The following CDC42BPB variants were observed in gnomAD, a reference collection of about 807,000 sequenced individuals.
CDC42BPB encodes serine/threonine-protein kinase MRCK beta.
A neutral mutation model predicts 214.9 loss-of-function variants in CDC42BPB; 37 were observed. That is an observed-to-expected ratio of 0.17 (90% CI 0.13 to 0.23). The LOEUF is 0.23. Ranked by LOEUF, CDC42BPB falls within the 10% of genes least tolerant of loss-of-function variation. The probability of loss-of-function intolerance (pLI) is 1.00; values close to 1 mark genes in which losing one functional copy is unlikely to be tolerated. For synonymous variants in CDC42BPB, 931 were observed against 884.0 expected, an observed-to-expected ratio of 1.05 and a Z score of -0.94; for missense variants, 1,694 against 2,227.0, an observed-to-expected ratio of 0.76 and a Z score of 4.82.
At chr14:102,958,961 C>T (rs1028868496) in intron 21 of CDC42BPB, among the ~76,000 whole-genome samples, 1 of 147,806 alleles carries the variant, frequency 6.8e-6, no homozygotes, top group Non-Finnish European at 1.5e-5. Flanking sequence ...GCGTGAGCCA[C>T]TGCACCCATC....
chr14:103,007,474 C>T (rs1193979573), intron 3 of CDC42BPB, among the ~76,000 whole-genome samples: 1 of 152,172 alleles, frequency 6.6e-6, no homozygotes, highest in Non-Finnish European at 1.5e-5. Flanking sequence ...AAGAGGAAAG[C>T]GTCACCTCAA....
At chr14:102,995,965 T>TG (rs1486965744) in intron 5 of CDC42BPB, among the ~76,000 whole-genome samples, 1 of 152,178 alleles carries the variant, frequency 6.6e-6, no homozygotes, top group South Asian at 2.1e-4. Context: ...TGAGTTAATT[T>TG]GGGGGGAAAA....
intron 29 of CDC42BPB, 105 bp downstream of exon 29, chr14:102,945,557 T>A (rs1892122649): frequency 3.9e-6 from 4 of 1,030,440 alleles, no homozygotes; most frequent in Non-Finnish European, 5.9e-6. Flanking sequence ...GGCGCCTTCA[T>A]CAAGCGCATT....
intron 23 of CDC42BPB, among the ~76,000 whole-genome samples, chr14:102,953,101 C>T (rs1167958246): frequency 1.3e-5 from 2 of 152,238 alleles, no homozygotes; most frequent in African/African-American, 4.8e-5. Context: ...CATTGTGAAC[C>T]CAGCGGCAAC....
At position 103,008,574 on chromosome 14, in the gene CDC42BPB, T is replaced by C. The variant is rs1243073573; in HGVS notation, c.268-19A>G. The C allele has an allele frequency of 5.0e-6, 8 of 1,597,552 alleles. No individual in the cohort carries two copies. The East Asian group carries it at 1.1e-4, about 22-fold the overall frequency. On this transcript the variant is annotated intron_variant, in intron 2 of 36. Transcript: ENST00000361246. ...CAGCAACCTGCAGTGCAAATGTGAG[T>C]TGAACAAAGATGCGGTTCTTGAACA...
intron 8 of CDC42BPB, among the ~76,000 whole-genome samples, chr14:102,980,533 A>G (rs1055690912): frequency 1.3e-5 from 2 of 152,158 alleles, no homozygotes; most frequent in African/African-American, 4.8e-5. Context: ...AAGCAAAAGT[A>G]TTTCTGTTGA....
intron 6 of CDC42BPB, 135 bp downstream of exon 6, chr14:102,986,344 GAAAATTTC>G: frequency 1.7e-6 from 1 of 580,848 alleles, no homozygotes; most frequent in South Asian, 2.3e-5. Flanking sequence ...TCCCCAAACA[GAAAATTTC>G]AACTATCTCC....
chr14:103,048,282 T>C (rs1384264100), intron 1 of CDC42BPB, among the ~76,000 whole-genome samples: 1 of 151,778 alleles, frequency 6.6e-6, no homozygotes, highest in Admixed American at 6.6e-5. Context: ...GGTGGCTCAC[T>C]CCTGTAATCC....
intron 8 of CDC42BPB, among the ~76,000 whole-genome samples, chr14:102,980,277 G>A (rs34565181): frequency 0.028 from 4,327 of 152,320 alleles, 190 homozygotes; most frequent in African/African-American, 0.098. Context: ...GGCGGATCAT[G>A]TGGTCAGGAG....
chr14:102,947,729 T>C lies in CDC42BPB; in HGVS notation c.3523A>G (p.Ile1175Val). 1.2e-6 allele frequency: 2 copies of C among 1,610,784 alleles called. No homozygotes were observed. The highest frequency in any genetic ancestry group is 1.7e-6 in the Non-Finnish European group (2 of 1,178,194). The change falls in exon 27 of 37, where the codon ATA becomes GTA. Residue 1175 changes from isoleucine to valine, a missense_variant. Physicochemically the swap from Ile to Val is conservative, Grantham distance 29. Around this residue, in one of 7 missense-constraint regions of CDC42BPB, gnomAD observed 567 missense variants for 790.3 expected, o/e 0.72. Coordinates refer to ENST00000361246, the MANE Select transcript of CDC42BPB (RefSeq NM_006035.4). ...TAATGAAAAATTCATACCCTGAATA[T>C]ACATGGAATATCTCGGCGTGTAGCA... ...IHATRRDIPC[I>V]FRVTASLLGA... is the part of the protein sequence containing the mutation.
At position 103,057,353 on chromosome 14, in the gene CDC42BPB, C is replaced by T. The variant is rs1889046045; in HGVS notation, c.-180G>A. ...GACATCTTGGGCTCCGTCCCGACGG[C>T]GCAGAGTCTGGGGCGCCGGGCCCCG... On this transcript the variant is annotated 5_prime_UTR_variant, in exon 1 of 37. Coordinates refer to ENST00000361246, the MANE Select transcript of CDC42BPB (RefSeq NM_006035.4). The T allele has an allele frequency of 9.8e-7, 1 of 1,016,842 alleles. No individual in the cohort carries two copies. Among genetic ancestry groups the T allele is most frequent in the South Asian group, 4.5e-5 (1 of 22,148 alleles). 63.0% of individuals were successfully genotyped at this position (1,016,842 alleles called of 1,614,324 possible). A position where few individuals can be genotyped will look rare whatever the true frequency, so the allele number is the denominator to read the frequency against.
intron 5 of CDC42BPB, among the ~76,000 whole-genome samples, chr14:102,998,317 T>A (rs573137054): frequency 3.3e-5 from 5 of 152,190 alleles, no homozygotes; most frequent in Non-Finnish European, 7.3e-5. Context: ...ACCTGTGACT[T>A]AAGACACATG....
intron 1 of CDC42BPB, among the ~76,000 whole-genome samples, chr14:103,016,296 G>C (rs928240027): frequency 6.6e-6 from 1 of 152,208 alleles, no homozygotes; most frequent in Non-Finnish European, 1.5e-5. Context: ...GTACTGCTAG[G>C]GTGTCACTCT....
chr14:102,946,668 AAGAG>A lies in CDC42BPB; in HGVS notation c.3544_3547del (p.Leu1182Ter). Reference sequence around the variant, plus strand: ...CGAGCTGGTCTTAGAAGGTGCACCTAAGAGAGAGGCCGTCACCTTCATGACAGGA... The same window carrying A: ...CGAGCTGGTCTTAGAAGGTGCACCTAAGAGGCCGTCACCTTCATGACAGGA... On this transcript the variant is annotated frameshift_variant, in exon 28 of 37. Coordinates refer to ENST00000361246, the MANE Select transcript of CDC42BPB (RefSeq NM_006035.4). LOFTEE classifies it high-confidence loss of function. The A allele has an allele frequency of 6.2e-7, 1 of 1,612,742 alleles. No individual in the cohort carries two copies. The highest frequency in any genetic ancestry group is 8.5e-7 in the Non-Finnish European group (1 of 1,179,934).
At chr14:102,959,585 C>T in intron 21 of CDC42BPB, 46 bp downstream of exon 21, 1 of 1,329,018 alleles carries the variant, frequency 7.5e-7, no homozygotes, top group Non-Finnish European at 1.1e-6. Flanking sequence ...CTATTTCTAA[C>T]TTATCATAAA....
chr14:102,969,153 GGGCGGCTTCTGT>G (rs1257167387), intron 14 of CDC42BPB, among the ~76,000 whole-genome samples: 1 of 152,250 alleles, frequency 6.6e-6, no homozygotes, highest in Non-Finnish European at 1.5e-5. Context: ...AGGATGGCTG[GGGCGGCTTCTGT>G]AAGGTGCTGG....
chr14:102,970,196 G>A lies in CDC42BPB; in HGVS notation c.1950C>T (p.Ser650=), dbSNP rs1413235617. 8.1e-6 allele frequency: 13 copies of A among 1,613,796 alleles called. No homozygotes were observed. Among genetic ancestry groups the A allele is most frequent in the Middle Eastern group, 1.7e-4 (1 of 6,042 alleles). The part of the protein sequence containing the change: ...ASKERKLREH[S]ENFCKQMESE... ...TTTCCATTTGCTTGCAGAAGTTCTCGCTGTGCTCACGAAGCTTGCGCTCCT... is the reference window on the plus strand; with the variant it reads ...TTTCCATTTGCTTGCAGAAGTTCTCACTGTGCTCACGAAGCTTGCGCTCCT... The change falls in exon 14 of 37, where the codon AGC becomes AGT. Residue 650 remains serine (S), a synonymous_variant. Transcript: ENST00000361246.
rs764442093 is a variant in CDC42BPB at position 102,946,609 on chromosome 14, T to G, written c.3607A>C (p.Arg1203=). The change falls in exon 28 of 37, where the codon AGG becomes CGG. Residue 1203 remains arginine (R), a synonymous_variant. Coordinates refer to ENST00000361246, the MANE Select transcript of CDC42BPB (RefSeq NM_006035.4). ...CCTTCTAGAATCCCAACCCACTTCC[T>G]CTTTTCATTCTCATTTTCTGTCAGA... ...LILTENENEK[R]KWVGILEGLQ... is the part of the protein sequence containing the mutation. The G allele has an allele frequency of 6.2e-7, 1 of 1,612,838 alleles. No homozygotes were observed. The highest frequency in any genetic ancestry group is 8.5e-7 in the Non-Finnish European group (1 of 1,179,970).
intron 31 of CDC42BPB, 33 bp downstream of exon 31, chr14:102,940,194 C>T (rs567717519): frequency 2.0e-5 from 33 of 1,611,952 alleles, no homozygotes; most frequent in Middle Eastern, 1.7e-4. Context: ...GGGAGAAGCC[C>T]GCCCGCACAG....
Sources: allele counts gnomAD v4.1 joint callset (sites outside exome capture counted in the v4.1 genomes callset), GRCh38; gene constraint gnomAD v4.1.1; regional missense constraint gnomAD v4.1.1; transcripts MANE v1.5; gene names NCBI Gene and HGNC (gene_info 2026-07-23, HGNC 2026-07-21).